FSTL5: variants seen among roughly 807,000 people sequenced by gnomAD.
FSTL5 encodes follistatin-related protein 5.
FSTL5 carries 62 observed loss-of-function variants against 89.1 expected under a neutral mutation model. The observed-to-expected ratio is 0.70, with a 90% CI of 0.57 to 0.86. The LOEUF is 0.86. Ranked by LOEUF, FSTL5 falls within the 40% of genes least tolerant of loss-of-function variation. FSTL5 has a pLI of 0.00. For missense variants in FSTL5, 1,057 were observed against 1,001.6 expected (o/e 1.06, Z -0.75); for synonymous variants, 383 against 346.2 (o/e 1.11, Z -1.18).
Position 161,564,165 on chromosome 4 carries a change from CAAT to C in FSTL5, c.1016-21475_1016-21473del, listed in dbSNP as rs1438293615. 5.9e-5 allele frequency among the ~76,000 whole-genome samples: 9 copies of C among 151,466 alleles called. No individual in the cohort carries two copies. In the South Asian group the frequency reaches 1.2e-3, roughly 21 times the overall value. ...TCAGCCAGCCTAATTAATTCTACAACAATACTTGATGTATATTATCAGAACCAT... is the reference window on the plus strand; with the variant it reads ...TCAGCCAGCCTAATTAATTCTACAACACTTGATGTATATTATCAGAACCAT... On this transcript the variant is annotated intron_variant, in intron 8 of 15. Coordinates refer to ENST00000306100, the MANE Select transcript of FSTL5 (RefSeq NM_020116.5).
At chr4:162,058,423 C>CTT (rs764578152) in intron 2 of FSTL5, among the ~76,000 whole-genome samples, 3,398 of 111,986 alleles carry the variant, frequency 0.03, 208 homozygotes, top group African/African-American at 0.062. Flanking sequence ...ATAAATTCCT[C>CTT]TTTTTTTTTT....
Position 161,920,288 on chromosome 4 carries a change from G to T in FSTL5, c.409+116C>A, listed in dbSNP as rs1319977434. On this transcript the variant is annotated intron_variant, in intron 4 of 15. Transcript: ENST00000306100. The stretch of plus-strand genomic sequence containing the variant: ...CTTAGTGGAGTACTTAGGCTATTTT[G>T]TGTTTCTTTTCCTTTTTAGACCCTT... 6.3e-6 allele frequency: 6 copies of T among 955,748 alleles called. No individual in the cohort carries two copies. In the East Asian group the frequency reaches 1.0e-4, roughly 16 times the overall value. 59.2% of individuals were successfully genotyped at this position (955,748 alleles called of 1,614,324 possible). A position where few individuals can be genotyped will look rare whatever the true frequency, so the allele number is the denominator to read the frequency against.
At chr4:162,072,867 A>C (rs1315128870) in intron 2 of FSTL5, among the ~76,000 whole-genome samples, 2 of 151,822 alleles carry the variant, frequency 1.3e-5, no homozygotes, top group Admixed American at 1.3e-4. Flanking sequence ...GACCTCAAGC[A>C]AACACTAAAT....
chr4:161,907,505 T>C (rs1224903721), intron 4 of FSTL5, among the ~76,000 whole-genome samples: 1 of 152,140 alleles, frequency 6.6e-6, no homozygotes, highest in Non-Finnish European at 1.5e-5. Context: ...ACCAGACAGA[T>C]ATAATGCAAA....
At chr4:161,916,169 AT>A (rs1397193736) in intron 4 of FSTL5, among the ~76,000 whole-genome samples, 4 of 152,176 alleles carry the variant, frequency 2.6e-5, no homozygotes, top group Non-Finnish European at 4.4e-5. Context: ...TCAAGTTGTT[AT>A]TGCTTGTGAT....
At chr4:161,815,301 T>C (rs1730289380) in intron 4 of FSTL5, among the ~76,000 whole-genome samples, 1 of 152,214 alleles carries the variant, frequency 6.6e-6, no homozygotes, top group Admixed American at 6.5e-5. Flanking sequence ...TATTATGTGA[T>C]AAATGATAAT....
intron 7 of FSTL5, among the ~76,000 whole-genome samples, chr4:161,629,141 C>A (rs1735411974): frequency 6.6e-6 from 1 of 152,102 alleles, no homozygotes; most frequent in African/African-American, 2.4e-5. Context: ...GCAGCAGAAC[C>A]CTGTGGCTGT....
At position 161,386,324 on chromosome 4, in the gene FSTL5, T is replaced by C. The variant is rs1002496360; in HGVS notation, c.1967A>G (p.His656Arg). The change falls in exon 16 of 16, where the codon CAC (histidine) becomes CGC (arginine). Residue 656 changes from histidine to arginine, a missense_variant. Physicochemically the swap from His to Arg is conservative, Grantham distance 29. Coordinates refer to ENST00000306100, the MANE Select transcript of FSTL5 (RefSeq NM_020116.5). The part of the protein sequence containing the change: ...KCVPQSLAYT[H>R]LGGYYFIGCK... Reference sequence around the variant, plus strand: ...GCCAATGAAGTAGTAGCCTCCCAAGTGTGTATATGCCAATGACTGAGGAAC... The same window carrying C: ...GCCAATGAAGTAGTAGCCTCCCAAGCGTGTATATGCCAATGACTGAGGAAC... 5 of 1,613,802 alleles carry C rather than the reference T, an allele frequency of 3.1e-6. No homozygotes were observed. Among genetic ancestry groups the C allele is most frequent in the Non-Finnish European group, 4.2e-6 (5 of 1,179,928 alleles).
At chr4:161,751,610 A>C (rs7658018) in intron 6 of FSTL5, among the ~76,000 whole-genome samples, 18,646 of 151,970 alleles carry the variant, frequency 0.12, 2,225 homozygotes, top group African/African-American at 0.31. Context: ...TCCCATCTCT[A>C]CTAAAAAAAT....
chr4:161,687,479 T>A (rs1263724036), intron 6 of FSTL5, among the ~76,000 whole-genome samples: 6 of 152,340 alleles, frequency 3.9e-5, no homozygotes, highest in Admixed American at 3.9e-4. Flanking sequence ...ATAACTACCT[T>A]AAAACTTGTG....
intron 3 of FSTL5, among the ~76,000 whole-genome samples, chr4:161,939,972 T>C (rs559975585): frequency 5.8e-4 from 88 of 151,950 alleles, no homozygotes; most frequent in African/African-American, 2.1e-3. Flanking sequence ...AGAAAAACTT[T>C]GCTACATTTT....
chr4:161,475,063 G>T (rs545859175), intron 13 of FSTL5, among the ~76,000 whole-genome samples: 1 of 147,294 alleles, frequency 6.8e-6, no homozygotes, highest in Non-Finnish European at 1.5e-5. Flanking sequence ...TATGCCGAAC[G>T]TATGGATCCA....
At chr4:161,458,281 C>T (rs187943569) in intron 14 of FSTL5, among the ~76,000 whole-genome samples, 1 of 152,084 alleles carries the variant, frequency 6.6e-6, no homozygotes, top group Non-Finnish European at 1.5e-5. Context: ...GATTGATTTG[C>T]AAAATAAATA....
At chr4:162,043,565 T>C (rs1738056677) in intron 2 of FSTL5, among the ~76,000 whole-genome samples, 1 of 152,142 alleles carries the variant, frequency 6.6e-6, no homozygotes, top group African/African-American at 2.4e-5. Flanking sequence ...AGGGTGGATG[T>C]GGCAATTTCT....
chr4:161,795,168 G>T (rs7677571), intron 4 of FSTL5, among the ~76,000 whole-genome samples: 111,446 of 151,818 alleles, frequency 0.73, 40,951 homozygotes, highest in Non-Finnish European at 0.76. Flanking sequence ...TACTATGGTG[G>T]CAGATTTAGA....
intron 4 of FSTL5, among the ~76,000 whole-genome samples, chr4:161,821,360 C>T (rs191460855): frequency 1.1e-3 from 173 of 152,214 alleles, no homozygotes; most frequent in African/African-American, 4.1e-3. Flanking sequence ...TCTTGAAGGA[C>T]AACGACAAGT....
At chr4:162,130,228 A>T (rs1732243312) in intron 1 of FSTL5, among the ~76,000 whole-genome samples, 1 of 152,138 alleles carries the variant, frequency 6.6e-6, no homozygotes, top group Non-Finnish European at 1.5e-5. Context: ...CATTCTTAGG[A>T]GGAAGGAATA....
At chr4:161,507,421 A>T (rs1350152583) in intron 11 of FSTL5, among the ~76,000 whole-genome samples, 1 of 151,788 alleles carries the variant, frequency 6.6e-6, no homozygotes, top group East Asian at 1.9e-4. Context: ...AATGTATTAT[A>T]TCTATAATTT....
chr4:161,752,190 A>G (rs1035226302), intron 6 of FSTL5, among the ~76,000 whole-genome samples: 3 of 152,042 alleles, frequency 2.0e-5, no homozygotes, highest in Admixed American at 6.6e-5. Flanking sequence ...CTGTGAAACC[A>G]CTATAGATGT....
Sources: allele counts gnomAD v4.1 joint callset (sites outside exome capture counted in the v4.1 genomes callset), GRCh38; gene constraint gnomAD v4.1.1; transcripts MANE v1.5; gene names NCBI Gene and HGNC (gene_info 2026-07-23, HGNC 2026-07-21).